Variants in NKD1 observed in about 807,000 individuals in gnomAD.
The protein encoded by NKD1 is NKD inhibitor of Wnt signaling pathway 1.
NKD1 carries 21 observed loss-of-function variants against 56.0 expected under a neutral mutation model. That is an observed-to-expected ratio of 0.38 (90% confidence interval 0.27 to 0.54). The LOEUF (loss-of-function observed/expected upper bound fraction) is 0.54, where lower values mean the gene tolerates loss of function less well. Among genes scored for constraint, NKD1 ranks in the 20% least tolerant of loss-of-function variants. NKD1 has a pLI of 0.82. For missense variants in NKD1, 578 were observed against 642.7 expected, an observed-to-expected ratio of 0.90 and a Z score of 1.09; for synonymous variants, 263 against 265.7, an observed-to-expected ratio of 0.99 and a Z score of 0.10.
chr16:50,549,687 C>A, intron 3 of NKD1, 132 bp downstream of exon 3: 3 of 943,586 alleles, frequency 3.2e-6, no homozygotes, highest in Non-Finnish European at 4.5e-6. Flanking sequence ...TCTCAGCTGC[C>A]CCCTGCCCCA....
intron 4 of NKD1, among the ~76,000 whole-genome samples, chr16:50,617,644 G>A (rs1961992481): frequency 6.6e-6 from 1 of 152,176 alleles, no homozygotes; most frequent in Admixed American, 6.5e-5. Context: ...GGGACAGGGA[G>A]CAGTTTCCAA....
intron 3 of NKD1, among the ~76,000 whole-genome samples, chr16:50,585,713 A>T (rs1567341321): frequency 6.6e-6 from 1 of 152,166 alleles, no homozygotes; most frequent in South Asian, 2.1e-4. Context: ...CCTGGGCTGG[A>T]CACTGTGCTC....
rs1386042883 is a variant in NKD1 at position 50,623,872 on chromosome 16, G to T, written c.367-1613G>T. 2.0e-5 allele frequency among the ~76,000 whole-genome samples: 3 copies of T among 151,860 alleles called. No homozygotes were observed. Among genetic ancestry groups the T allele is most frequent in the African/African-American group, 4.8e-5 (2 of 41,296 alleles). On this transcript the variant is annotated intron_variant, in intron 5 of 9. Transcript: ENST00000268459. This position sits in a 1 kb window ranked among gnomAD's most constrained non-coding sequence, Gnocchi z 4.1. The stretch of plus-strand genomic sequence containing the variant: ...TATGCGTGTGTGTGTGTGTGTAGGG[G>T]TATGTATGTAGGCACGTGTGTCATG...
rs1962677264 is a variant in NKD1, at chr16:50,646,323, A to G, written c.*12542A>G. The stretch of plus-strand genomic sequence containing the variant: ...GGATAATGCAAATTGCTGAAATATG[A>G]GATTTTCCCTACAAAGAGGTTTCCA... On this transcript the variant is annotated 3_prime_UTR_variant, in exon 10 of 10. Transcript: ENST00000268459. The G allele has an allele frequency of 6.8e-6, 1 of 146,420 alleles. No individual in the cohort carries two copies. The highest frequency in any genetic ancestry group is 1.5e-5 in the Non-Finnish European group (1 of 66,668). 9.1% of individuals were successfully genotyped at this position (146,420 alleles called of 1,614,324 possible).
rs575142388 is a variant in NKD1 at position 50,605,856 on chromosome 16, A to C, written c.193-2438A>C. 2.0e-5 allele frequency among the ~76,000 whole-genome samples: 3 copies of C among 152,202 alleles called. No individual in the cohort carries two copies. The East Asian group carries it at 5.8e-4, about 29-fold the overall frequency. On this transcript the variant is annotated intron_variant, in intron 3 of 9. Transcript: ENST00000268459. The stretch of plus-strand genomic sequence containing the variant: ...ATGCACAGTAAGTGTCAGCTGTTTG[A>C]TTATTATTATGGTTGATGACTGTGC...
chr16:50,631,485 G>A (rs1348815924), intron 8 of NKD1, among the ~76,000 whole-genome samples: 1 of 152,176 alleles, frequency 6.6e-6, no homozygotes, highest in African/African-American at 2.4e-5. Context: ...CCTCTAGTGT[G>A]CAAATGGTAA....
At chr16:50,575,154 T>G in intron 3 of NKD1, 1 of 985,170 alleles carries the variant, frequency 1.0e-6, no homozygotes, top group African/African-American at 1.7e-5. Context: ...GATTCTCTAC[T>G]GCCCTCCCCC....
rs1188161459 is a variant in NKD1, at chr16:50,634,908, G to GA, written c.*1131dup. The GA allele has an allele frequency of 6.6e-6, 1 of 152,264 alleles. No individual in the cohort carries two copies. The highest frequency in any genetic ancestry group is 1.5e-5 in the Non-Finnish European group (1 of 68,038). 9.4% of individuals were successfully genotyped at this position (152,264 alleles called of 1,614,324 possible). A position where few individuals can be genotyped will look rare whatever the true frequency, so the allele number is the denominator to read the frequency against. ...CTGCTGGGGTACAGAAACTTGGTGG[G>GA]AAAAGGGGACTGTGGCCAGAGTTGG... is the stretch of plus-strand genomic sequence containing the variant. On this transcript the variant is annotated 3_prime_UTR_variant, in exon 10 of 10. Transcript: ENST00000268459.
chr16:50,590,887 G>A (rs925648358), intron 3 of NKD1, among the ~76,000 whole-genome samples: 3 of 152,088 alleles, frequency 2.0e-5, no homozygotes, highest in Admixed American at 6.5e-5. Flanking sequence ...GCACAATCTC[G>A]GCTCACTGCA....
Position 50,633,518 on chromosome 16 carries a change from C to T in NKD1, c.1150C>T (p.Leu384=). 6.2e-7 allele frequency: 1 copy of T among 1,610,990 alleles called. No homozygotes were observed. Among genetic ancestry groups the T allele is most frequent in the Non-Finnish European group, 8.5e-7 (1 of 1,179,048 alleles). ...CCCTGCGGTGTCCCCCTCCGCCCAC[C>T]TGGCTGCCAGCCCGGCCCTCCTCCC... ...AIPAVSPSAH[L]AASPALLPSL... is the part of the protein sequence containing the mutation. Residue 384 remains leucine (L), a synonymous_variant, in exon 10 of 10, where the codon CTG becomes TTG. Transcript: ENST00000268459. The surrounding 1 kb of genome is among the most constrained non-coding windows in gnomAD (Gnocchi z 4.9).
Position 50,632,292 on chromosome 16 carries a change from AC to A in NKD1, c.708del (p.Asp236GlufsTer14). On this transcript the variant is annotated frameshift_variant, in exon 9 of 10. Coordinates refer to ENST00000268459, the MANE Select transcript of NKD1 (RefSeq NM_033119.5). LOFTEE classifies it high-confidence loss of function. This position sits in a 1 kb window ranked among gnomAD's most constrained non-coding sequence, Gnocchi z 4.1. The part of the protein sequence containing the change: ...KQRAPLRFQG[D>X]SRLEQSGCYH... ...CTCCCCTGCCGTAGGTTCCAGGGTG[AC>A]AGCCGCCTGGAGCAGTCTGGCTGCT... The A allele has an allele frequency of 6.2e-7, 1 of 1,614,134 alleles. No individual in the cohort carries two copies. Among genetic ancestry groups the A allele is most frequent in the Non-Finnish European group, 8.5e-7 (1 of 1,179,954 alleles).
intron 5 of NKD1, among the ~76,000 whole-genome samples, chr16:50,622,317 T>G (rs1470850497): frequency 9.9e-5 from 15 of 152,102 alleles, no homozygotes; most frequent in Admixed American, 9.8e-4. Context: ...GAAGGGCCTT[T>G]GGGGTGAGAA....
At chr16:50,590,332 T>C (rs1961337855) in intron 3 of NKD1, among the ~76,000 whole-genome samples, 1 of 152,224 alleles carries the variant, frequency 6.6e-6, no homozygotes, top group Non-Finnish European at 1.5e-5. Flanking sequence ...GGCCTATGCC[T>C]GATGGAGGAA....
At chr16:50,624,996 C>A (rs1962177142) in intron 5 of NKD1, among the ~76,000 whole-genome samples, 1 of 152,156 alleles carries the variant, frequency 6.6e-6, no homozygotes, top group South Asian at 2.1e-4. Context: ...GAAACTGAGG[C>A]ACAGCAGAGG....
intron 3 of NKD1, among the ~76,000 whole-genome samples, chr16:50,550,536 G>A (rs914429719): frequency 6.6e-6 from 1 of 152,082 alleles, no homozygotes; most frequent in African/African-American, 2.4e-5. Context: ...TGTGGATAAA[G>A]TCAGTTCCTG....
intron 3 of NKD1, chr16:50,558,326 G>A (rs936274933): frequency 6.6e-6 from 1 of 152,214 alleles, no homozygotes; most frequent in African/African-American, 2.4e-5. Flanking sequence ...GGACACACGA[G>A]TGAGTATCAT....
chr16:50,566,171 C>T (rs1960754954), intron 3 of NKD1: 3 of 985,256 alleles, frequency 3.0e-6, no homozygotes, highest in African/African-American at 1.7e-5. Flanking sequence ...CCGTTGGGAC[C>T]TTTTGGATTT....
chr16:50,598,036 G>C lies in NKD1; in HGVS notation c.193-10258G>C, dbSNP rs1961510792. Among the ~76,000 whole-genome samples, 2 of 152,190 alleles carry C rather than the reference G, an allele frequency of 1.3e-5. No homozygotes were observed. Among genetic ancestry groups the C allele is most frequent in the African/African-American group, 4.8e-5 (2 of 41,444 alleles). On this transcript the variant is annotated intron_variant, in intron 3 of 9. Coordinates refer to ENST00000268459, the MANE Select transcript of NKD1 (RefSeq NM_033119.5). The surrounding 1 kb of genome is among the most constrained non-coding windows in gnomAD (Gnocchi z 4.2). ...AGGGGACAGGATGGTCCAGGGCTGG[G>C]AGGCTCCAAGTGGGCGGTCTGGCCT...
chr16:50,551,735 C>T (rs1469636255), intron 3 of NKD1: 8 of 148,936 alleles, frequency 5.4e-5, no homozygotes, highest in East Asian at 1.9e-4. Flanking sequence ...TTTTTTTTAC[C>T]AGAAAAAAAA....
Sources: gnomAD v4.1 joint callset for allele counts (sites outside exome capture counted in the v4.1 genomes callset) on GRCh38, gnomAD v4.1.1 for gene constraint, Gnocchi (gnomAD v3.1) non-coding constraint, MANE v1.5 for transcripts, NCBI Gene and HGNC (gene_info 2026-07-23, HGNC 2026-07-21) for gene names.